The following DNM2 variants were observed in gnomAD, a reference collection of about 807,000 sequenced individuals.
DNM2 encodes dynamin-2.
Under a neutral mutation model 99.0 loss-of-function variants are expected in DNM2, and 15 were observed. That is an observed-to-expected ratio of 0.15 (90% CI 0.10 to 0.23). The LOEUF (loss-of-function observed/expected upper bound fraction) is 0.23, where lower values mean the gene tolerates loss of function less well. Ranked by LOEUF, DNM2 falls within the 10% of genes least tolerant of loss-of-function variation. DNM2 has a pLI of 1.00. For missense variants in DNM2, 742 were observed against 1,189.4 expected (o/e 0.62, Z 5.53); for synonymous variants, 525 against 481.2 (o/e 1.09, Z -1.19).
intron 13 of DNM2, among the ~76,000 whole-genome samples, chr19:10,807,134 G>T (rs1004928272): frequency 6.6e-6 from 1 of 152,080 alleles, no homozygotes; most frequent in Non-Finnish European, 1.5e-5. Flanking sequence ...GTGCAGTGGC[G>T]CAATCTTGGC....
At chr19:10,824,865 G>A in intron 17 of DNM2, 192 bp from the exon 18 acceptor site, 1 of 782,438 alleles carries the variant, frequency 1.3e-6, no homozygotes, top group Admixed American at 2.5e-5. Flanking sequence ...ATCCACCCCA[G>A]CATCAGCCAG....
At chr19:10,754,015 C>T (rs2070297244) in intron 1 of DNM2, among the ~76,000 whole-genome samples, 2 of 152,166 alleles carry the variant, frequency 1.3e-5, no homozygotes, top group Non-Finnish European at 2.9e-5. Context: ...AACATATTTT[C>T]AGTCAGCTTC....
intron 1 of DNM2, among the ~76,000 whole-genome samples, chr19:10,726,988 C>G (rs548715310): frequency 6.6e-6 from 1 of 152,298 alleles, no homozygotes; most frequent in South Asian, 2.1e-4. Flanking sequence ...GAAAGCTGCA[C>G]AAGACCTGTT....
intron 1 of DNM2, among the ~76,000 whole-genome samples, chr19:10,736,841 G>A (rs2069546744): frequency 6.6e-6 from 1 of 152,226 alleles, no homozygotes. Context: ...GTGGACAGAG[G>A]GAGCCTGTTA....
chr19:10,791,705 C>T (rs1599561870), intron 7 of DNM2, among the ~76,000 whole-genome samples: 1 of 152,142 alleles, frequency 6.6e-6, no homozygotes, highest in East Asian at 1.9e-4. Context: ...AACCCTCCCC[C>T]TCCCCCCGTC....
In DNM2 at chr19:10,817,341, A is replaced by C. The variant is rs772970277; in HGVS notation, c.1672-2639A>C. On this transcript the variant is annotated intron_variant, in intron 15 of 20. Transcript: ENST00000389253. The surrounding 1 kb of genome is among the most constrained non-coding windows in gnomAD (Gnocchi z 4.6). ...AATCTTCTATGCGAGGCTCTGCCAC[A>C]GTGGGAAACGGGGTGGTGGAAAATG... The C allele has an allele frequency of 1.2e-4, 56 of 456,334 alleles. No individual in the cohort carries two copies. The highest frequency in any genetic ancestry group is 2.2e-4 in the Non-Finnish European group (50 of 222,672). 28.3% of individuals were successfully genotyped at this position (456,334 alleles called of 1,614,324 possible). A position where few individuals can be genotyped will look rare whatever the true frequency, so the allele number is the denominator to read the frequency against.
chr19:10,775,625 T>C lies in DNM2; in HGVS notation c.386-78T>C. The C allele has an allele frequency of 6.5e-7, 1 of 1,542,214 alleles. No homozygotes were observed. Among genetic ancestry groups the C allele is most frequent in the Non-Finnish European group, 9.0e-7 (1 of 1,116,372 alleles). On this transcript the variant is annotated intron_variant, in intron 3 of 20. Transcript: ENST00000389253. This position sits in a 1 kb window ranked among gnomAD's most constrained non-coding sequence, Gnocchi z 4.3. ...GAGCCCCGCGCAGGAACTTTGGTAG[T>C]CAGCTGGGTGGCTGCGGGCCTGTTT...
At chr19:10,771,753 C>T (rs1266900932) in intron 2 of DNM2, among the ~76,000 whole-genome samples, 1 of 152,202 alleles carries the variant, frequency 6.6e-6, no homozygotes, top group African/African-American at 2.4e-5. Context: ...GCTTCCTCTT[C>T]TGTTCATCAG....
intron 2 of DNM2, among the ~76,000 whole-genome samples, chr19:10,766,302 G>A (rs746053434): frequency 3.3e-5 from 5 of 152,134 alleles, no homozygotes; most frequent in Non-Finnish European, 7.3e-5. Context: ...AAGGGCCTTC[G>A]GTCACTCTGG....
chr19:10,744,639 A>G (rs554315193), intron 1 of DNM2, among the ~76,000 whole-genome samples: 7 of 152,182 alleles, frequency 4.6e-5, no homozygotes, highest in East Asian at 1.9e-4. Context: ...AAATCCATAC[A>G]TGGCTGACCA....
intron 5 of DNM2, among the ~76,000 whole-genome samples, chr19:10,778,112 G>A (rs1162561054): frequency 2.0e-5 from 3 of 151,016 alleles, no homozygotes. Flanking sequence ...TGGGCTCACT[G>A]CAACCTCCAC....
chr19:10,794,745 AAAAAAAAAC>A (rs1262220165), intron 8 of DNM2, among the ~76,000 whole-genome samples: 10 of 132,216 alleles, frequency 7.6e-5, no homozygotes, highest in Admixed American at 2.1e-4. Context: ...ACCCTATCTC[AAAAAAAAAC>A]AAAAAAAACA....
intron 7 of DNM2, among the ~76,000 whole-genome samples, chr19:10,790,282 AC>A (rs1266508467): frequency 4.2e-5 from 5 of 119,712 alleles, no homozygotes; most frequent in Non-Finnish European, 8.9e-5. Context: ...CCATGGGGAC[AC>A]CCAGGGTTTT....
chr19:10,819,584 C>T (rs1414145536), intron 15 of DNM2, among the ~76,000 whole-genome samples: 5 of 152,010 alleles, frequency 3.3e-5, no homozygotes, highest in Admixed American at 3.3e-4. Flanking sequence ...CAGTCAGCCA[C>T]CTAGGTCAAT....
At chr19:10,744,403 T>C (rs548870380) in intron 1 of DNM2, among the ~76,000 whole-genome samples, 1 of 152,222 alleles carries the variant, frequency 6.6e-6, no homozygotes, top group South Asian at 2.1e-4. Flanking sequence ...CTGTCACTTG[T>C]GACATTGTGG....
Position 10,772,025 on chromosome 19 carries a change from G to T in DNM2, c.236-454G>T, listed in dbSNP as rs1228313128. ...CGAATCTTTCACTCCCAAATTCCTA[G>T]AGTGACGATGATTGGGTCATTATTT... On this transcript the variant is annotated intron_variant, in intron 2 of 20. Coordinates refer to ENST00000389253, the MANE Select transcript of DNM2 (RefSeq NM_001005361.3). This position sits in a 1 kb window ranked among gnomAD's most constrained non-coding sequence, Gnocchi z 4.9. Among the ~76,000 whole-genome samples the T allele has an allele frequency of 1.3e-5, 2 of 151,736 alleles. No homozygotes were observed. The highest frequency in any genetic ancestry group is 4.8e-5 in the African/African-American group (2 of 41,318).
chr19:10,831,384 G>A lies in DNM2; in HGVS notation c.*337G>A. 9.2e-7 allele frequency: 1 copy of A among 1,089,038 alleles called. No individual in the cohort carries two copies. Among genetic ancestry groups the A allele is most frequent in the Non-Finnish European group, 1.1e-6 (1 of 896,548 alleles). 67.5% of individuals were successfully genotyped at this position (1,089,038 alleles called of 1,614,324 possible). A position where few individuals can be genotyped will look rare whatever the true frequency, so the allele number is the denominator to read the frequency against. ...GACTCTACCAAGGTCTTCTTGGGCT[G>A]GGAAAGCCCATGTAGGGCAGGCCTT... is the stretch of plus-strand genomic sequence containing the variant. On this transcript the variant is annotated 3_prime_UTR_variant, in exon 21 of 21. Coordinates refer to ENST00000389253, the MANE Select transcript of DNM2 (RefSeq NM_001005361.3). The surrounding 1 kb of genome is among the most constrained non-coding windows in gnomAD (Gnocchi z 4.3).
At chr19:10,730,019 C>T (rs935369781) in intron 1 of DNM2, among the ~76,000 whole-genome samples, 8 of 152,098 alleles carry the variant, frequency 5.3e-5, no homozygotes, top group Admixed American at 6.6e-5. Flanking sequence ...CATGCCACCA[C>T]GCCCAACTAA....
intron 12 of DNM2, chr19:10,803,624 T>G: frequency 2.0e-6 from 2 of 986,368 alleles, no homozygotes; most frequent in Non-Finnish European, 2.4e-6. Context: ...TCCTGGGCCT[T>G]CCCACTTACC....
Sources: allele counts gnomAD v4.1 joint callset (sites outside exome capture counted in the v4.1 genomes callset), GRCh38; gene constraint gnomAD v4.1.1; non-coding constraint Gnocchi (gnomAD v3.1); transcripts MANE v1.5; gene names NCBI Gene and HGNC (gene_info 2026-07-23, HGNC 2026-07-21).